The following HS3ST2 variants were observed in gnomAD, a reference collection of about 807,000 sequenced individuals.
HS3ST2 encodes the protein heparan sulfate glucosamine 3-O-sulfotransferase 2.
Under a neutral mutation model 26.3 loss-of-function variants are expected in HS3ST2, and 17 were observed. That is an observed-to-expected ratio of 0.65 (90% CI 0.44 to 0.97). HS3ST2 has a LOEUF of 0.97. Among genes scored for constraint, HS3ST2 ranks in the 50% least tolerant of loss-of-function variants. The pLI, the probability that HS3ST2 is intolerant of heterozygous loss-of-function variation, is 0.00. For synonymous variants in HS3ST2, 237 were observed against 219.2 expected (o/e 1.08, Z -0.72); for missense variants, 402 against 501.2 (o/e 0.80, Z 1.89).
chr16:22,858,218 G>T (rs1165034936), intron 1 of HS3ST2, among the ~76,000 whole-genome samples: 1 of 151,596 alleles, frequency 6.6e-6, no homozygotes, highest in African/African-American at 2.4e-5. Context: ...TAACCCAAAG[G>T]CTAAGTGCTT....
intron 1 of HS3ST2, among the ~76,000 whole-genome samples, chr16:22,836,393 C>T (rs548984304): frequency 6.6e-6 from 1 of 152,222 alleles, no homozygotes; most frequent in South Asian, 2.1e-4. Context: ...TCTGGGAGGC[C>T]TCAGGAAACT....
intron 1 of HS3ST2, among the ~76,000 whole-genome samples, chr16:22,879,158 CTA>C (rs1901955928): frequency 1.3e-5 from 2 of 152,204 alleles, no homozygotes; most frequent in African/African-American, 2.4e-5. Flanking sequence ...AGCAACAGTG[CTA>C]TGTCGTCAAT....
At chr16:22,855,527 C>T (rs1420827218) in intron 1 of HS3ST2, among the ~76,000 whole-genome samples, 2 of 152,204 alleles carry the variant, frequency 1.3e-5, no homozygotes, top group African/African-American at 4.8e-5. Flanking sequence ...AACTGCCACG[C>T]CCCTGCTGCT....
chr16:22,830,778 G>A (rs1901157263), intron 1 of HS3ST2, among the ~76,000 whole-genome samples: 1 of 152,124 alleles, frequency 6.6e-6, no homozygotes, highest in Non-Finnish European at 1.5e-5. Flanking sequence ...CCATCCTTCA[G>A]TCATTTTTGT....
chr16:22,836,980 A>T (rs1882488657), intron 1 of HS3ST2, among the ~76,000 whole-genome samples: 1 of 151,920 alleles, frequency 6.6e-6, no homozygotes, highest in African/African-American at 2.4e-5. Flanking sequence ...TTTTAAAAGC[A>T]CCTCTGAAAT....
chr16:22,821,537 T>C (rs540132452), intron 1 of HS3ST2, among the ~76,000 whole-genome samples: 4 of 151,984 alleles, frequency 2.6e-5, no homozygotes, highest in South Asian at 2.1e-4. Context: ...GGGCAGGTGA[T>C]AGGGAAGTGG....
intron 1 of HS3ST2, among the ~76,000 whole-genome samples, chr16:22,877,521 C>A (rs1038868903): frequency 1.3e-5 from 2 of 152,168 alleles, no homozygotes; most frequent in East Asian, 3.9e-4. Context: ...TCTTTATTGG[C>A]TCATGAGATT....
At chr16:22,855,017 G>A (rs538510706) in intron 1 of HS3ST2, among the ~76,000 whole-genome samples, 44 of 152,120 alleles carry the variant, frequency 2.9e-4, no homozygotes, top group African/African-American at 8.4e-4. Flanking sequence ...TTCTCAACTC[G>A]TCTATGTTTT....
chr16:22,856,591 C>T (rs964805140), intron 1 of HS3ST2, among the ~76,000 whole-genome samples: 1 of 152,206 alleles, frequency 6.6e-6, no homozygotes, highest in African/African-American at 2.4e-5. Context: ...ACTCTCCCCT[C>T]CTTTATCTTT....
chr16:22,872,763 A>G (rs544385458), intron 1 of HS3ST2, among the ~76,000 whole-genome samples: 1 of 152,300 alleles, frequency 6.6e-6, no homozygotes, highest in East Asian at 1.9e-4. Flanking sequence ...ATTCTCCCTA[A>G]CATCATCCCA....
At chr16:22,849,666 G>A (rs531824474) in intron 1 of HS3ST2, among the ~76,000 whole-genome samples, 1 of 152,302 alleles carries the variant, frequency 6.6e-6, no homozygotes, top group South Asian at 2.1e-4. Flanking sequence ...AAAAGGAATG[G>A]AGTAAATTGC....
chr16:22,840,732 G>T (rs929634103), intron 1 of HS3ST2, among the ~76,000 whole-genome samples: 4 of 152,150 alleles, frequency 2.6e-5, no homozygotes, highest in Non-Finnish European at 4.4e-5. Flanking sequence ...TTTTCTCCAT[G>T]ACCATCCTCA....
At chr16:22,903,206 G>A (rs1379027823) in intron 1 of HS3ST2, among the ~76,000 whole-genome samples, 1 of 152,116 alleles carries the variant, frequency 6.6e-6, no homozygotes, top group African/African-American at 2.4e-5. Context: ...CAAACTGGCT[G>A]TGTTGCTTTG....
intron 1 of HS3ST2, among the ~76,000 whole-genome samples, chr16:22,912,845 A>G (rs1311433139): frequency 1.3e-5 from 2 of 152,084 alleles, no homozygotes; most frequent in Non-Finnish European, 2.9e-5. Context: ...GACAGGGCAC[A>G]CAGGTGGGCG....
chr16:22,827,694 ATTTC>A (rs1398166376), intron 1 of HS3ST2, among the ~76,000 whole-genome samples: 21 of 132,232 alleles, frequency 1.6e-4, no homozygotes, highest in Admixed American at 1.5e-3. Flanking sequence ...ATGTGATAGT[ATTTC>A]TTTCTTTCTT....
At chr16:22,889,254 G>T (rs908352535) in intron 1 of HS3ST2, among the ~76,000 whole-genome samples, 2 of 152,198 alleles carry the variant, frequency 1.3e-5, no homozygotes, top group Admixed American at 1.3e-4. Flanking sequence ...ACAGACTTTG[G>T]TGACAAATTT....
chr16:22,861,657 G>A (rs1901675901), intron 1 of HS3ST2, among the ~76,000 whole-genome samples: 1 of 152,128 alleles, frequency 6.6e-6, no homozygotes, highest in Non-Finnish European at 1.5e-5. Context: ...GCTGGGGAGG[G>A]AAACTCCTTC....
intron 1 of HS3ST2, among the ~76,000 whole-genome samples, chr16:22,887,077 A>G (rs989343320): frequency 6.6e-6 from 1 of 152,150 alleles, no homozygotes; most frequent in Non-Finnish European, 1.5e-5. Flanking sequence ...ATTATGAGTC[A>G]CAATTCATCA....
At chr16:22,893,101 G>A (rs868749039) in intron 1 of HS3ST2, among the ~76,000 whole-genome samples, 4 of 152,142 alleles carry the variant, frequency 2.6e-5, no homozygotes, top group African/African-American at 4.8e-5. Flanking sequence ...AATGAGACTC[G>A]TAGCCTGGAG....
Sources: allele counts gnomAD v4.1 joint callset (sites outside exome capture counted in the v4.1 genomes callset), GRCh38; gene constraint gnomAD v4.1.1; transcripts MANE v1.5; gene names NCBI Gene and HGNC (gene_info 2026-07-23, HGNC 2026-07-21).